The following NRP2 variants were observed in gnomAD, a reference collection of about 807,000 sequenced individuals.
NRP2 encodes neuropilin 2.
A neutral mutation model predicts 110.4 loss-of-function variants in NRP2; 52 were observed. The observed-to-expected ratio is 0.47, with a 90% CI of 0.38 to 0.59. NRP2 has a LOEUF of 0.59. NRP2 is among the 20% of genes least tolerant of loss of function. The pLI, the probability that NRP2 is intolerant of heterozygous loss-of-function variation, is 0.00. For missense variants in NRP2, 1,049 were observed against 1,203.0 expected (o/e 0.87, Z 1.89); for synonymous variants, 508 against 468.9 (o/e 1.08, Z -1.08).
intron 14 of NRP2, among the ~76,000 whole-genome samples, chr2:205,766,228 C>T (rs2057915023): frequency 6.6e-6 from 1 of 152,216 alleles, no homozygotes; most frequent in Non-Finnish European, 1.5e-5. Context: ...TCTTCAGGGT[C>T]TCCTGCTGCA....
intron 12 of NRP2, among the ~76,000 whole-genome samples, chr2:205,757,625 C>T (rs2057754615): frequency 6.6e-6 from 1 of 152,106 alleles, no homozygotes; most frequent in Admixed American, 6.5e-5. Flanking sequence ...GCAAACAATC[C>T]ATTGAATTGC....
chr2:205,782,979 A>G (rs1209023170), intron 15 of NRP2, among the ~76,000 whole-genome samples: 1 of 152,120 alleles, frequency 6.6e-6, no homozygotes, highest in Non-Finnish European at 1.5e-5. Context: ...TCATTTTAGT[A>G]GGTGCTATAA....
chr2:205,729,826 T>C (rs560643731), intron 7 of NRP2, among the ~76,000 whole-genome samples: 1 of 152,340 alleles, frequency 6.6e-6, no homozygotes, highest in East Asian at 1.9e-4. Flanking sequence ...AGCTTTCTGG[T>C]TTTCAGAATT....
intron 2 of NRP2, among the ~76,000 whole-genome samples, chr2:205,711,466 C>T (rs1026515058): frequency 6.6e-6 from 1 of 152,056 alleles, no homozygotes. Context: ...TAACATTTGT[C>T]CTTAAGCCTG....
intron 12 of NRP2, 97 bp downstream of exon 12, chr2:205,753,072 C>A: frequency 6.8e-7 from 1 of 1,477,840 alleles, no homozygotes; most frequent in Non-Finnish European, 9.4e-7. Flanking sequence ...AACTTCCCAC[C>A]GCACAGCAAT....
rs1212442389 is a variant in NRP2 at position 205,722,762 on chromosome 2, C to G, written c.664+54C>G. ...TAGCTTGGCCTTTGCCTGTTAATTG[C>G]TTTAGTGATGATAAAGAGGAAGAAC... On this transcript the variant is annotated intron_variant, in intron 4 of 16. Transcript: ENST00000357785. 2.1e-6 allele frequency: 3 copies of G among 1,423,304 alleles called. No individual in the cohort carries two copies. In the African/African-American group the frequency reaches 4.2e-5, roughly 20 times the overall value. The allele number at this position is 1,423,304 out of a possible 1,614,324, so 88.2% of individuals were successfully genotyped here. A position where few individuals can be genotyped will look rare whatever the true frequency, so the allele number is the denominator to read the frequency against.
At chr2:205,753,855 T>G (rs1257928538) in intron 12 of NRP2, among the ~76,000 whole-genome samples, 1 of 152,252 alleles carries the variant, frequency 6.6e-6, no homozygotes, top group Non-Finnish European at 1.5e-5. Flanking sequence ...TTATATAGTT[T>G]TTTTTTCCAT....
At chr2:205,685,391 G>T (rs1258739315) in intron 1 of NRP2, among the ~76,000 whole-genome samples, 4 of 133,156 alleles carry the variant, frequency 3.0e-5, no homozygotes, top group African/African-American at 8.2e-5. Flanking sequence ...GCCGGCAGCG[G>T]GTGGCCAGGG....
At chr2:205,752,097 A>G (rs2057656243) in intron 11 of NRP2, among the ~76,000 whole-genome samples, 1 of 152,208 alleles carries the variant, frequency 6.6e-6, no homozygotes, top group Non-Finnish European at 1.5e-5. Context: ...TCCCATAGGG[A>G]AAGCATTCTC....
At chr2:205,726,432 G>T (rs915058065) in intron 6 of NRP2, among the ~76,000 whole-genome samples, 4 of 152,156 alleles carry the variant, frequency 2.6e-5, no homozygotes, top group African/African-American at 7.2e-5. Flanking sequence ...GGACATGGGG[G>T]GCATTCTCCT....
At chr2:205,699,912 A>G (rs1442273360) in intron 2 of NRP2, among the ~76,000 whole-genome samples, 1 of 152,064 alleles carries the variant, frequency 6.6e-6, no homozygotes, top group East Asian at 1.9e-4. Context: ...ATTAAGCCTC[A>G]TCCACTTAAC....
chr2:205,683,212 A>C lies in NRP2; in HGVS notation c.-79A>C, dbSNP rs943170111. On this transcript the variant is annotated 5_prime_UTR_variant, in exon 1 of 17. Transcript: ENST00000357785. ...CTCTGCATAAGACGTTGTAAGGAGG[A>C]AAATAAAAGAGAGAAAAACACAAAG... The C allele has an allele frequency of 3.7e-6, 4 of 1,079,592 alleles. No individual in the cohort carries two copies. Among genetic ancestry groups the C allele is most frequent in the Non-Finnish European group, 5.6e-6 (4 of 709,350 alleles). 66.9% of individuals were successfully genotyped at this position (1,079,592 alleles called of 1,614,324 possible). A position where few individuals can be genotyped will look rare whatever the true frequency, so the allele number is the denominator to read the frequency against.
At chr2:205,699,679 GGAA>G (rs1349117191) in intron 2 of NRP2, among the ~76,000 whole-genome samples, 1 of 152,158 alleles carries the variant, frequency 6.6e-6, no homozygotes, top group Admixed American at 6.5e-5. Context: ...TCTGACAAGG[GGAA>G]GAAGAAGGCA....
At chr2:205,749,063 G>A (rs1376433322) in intron 10 of NRP2, among the ~76,000 whole-genome samples, 2 of 152,140 alleles carry the variant, frequency 1.3e-5, no homozygotes, top group African/African-American at 4.8e-5. Flanking sequence ...GGAAGGAAAG[G>A]GGGAAAGATT....
At chr2:205,694,744 C>A (rs1226189672) in intron 1 of NRP2, among the ~76,000 whole-genome samples, 1 of 152,160 alleles carries the variant, frequency 6.6e-6, no homozygotes, top group Non-Finnish European at 1.5e-5. Flanking sequence ...TAGCTAATTT[C>A]TATTGGGACA....
intron 1 of NRP2, among the ~76,000 whole-genome samples, chr2:205,691,624 C>CT (rs1170543351): frequency 2.6e-5 from 4 of 152,074 alleles, no homozygotes; most frequent in Admixed American, 2.0e-4. Flanking sequence ...TATTATATTA[C>CT]TTTTTTTTCT....
chr2:205,794,291 T>C (rs571531857), intron 16 of NRP2, among the ~76,000 whole-genome samples: 15 of 152,152 alleles, frequency 9.9e-5, no homozygotes, highest in African/African-American at 3.6e-4. Context: ...TTTGTATTTT[T>C]AGTAGAGACG....
At chr2:205,792,785 T>C (rs1264052646) in intron 16 of NRP2, among the ~76,000 whole-genome samples, 1 of 152,222 alleles carries the variant, frequency 6.6e-6, no homozygotes, top group Non-Finnish European at 1.5e-5. Flanking sequence ...GACCATCTCG[T>C]ATCTTTATAT....
rs2056175090 is a variant in NRP2 at position 205,686,734 on chromosome 2, T to C, written c.73+3371T>C. 6.6e-6 allele frequency among the ~76,000 whole-genome samples: 1 copy of C among 152,182 alleles called. No individual in the cohort carries two copies. Among genetic ancestry groups the C allele is most frequent in the South Asian group, 2.1e-4 (1 of 4,824 alleles). The stretch of plus-strand genomic sequence containing the variant: ...TCTTGCCCATATGCGTTGCGGCTTC[T>C]GCGGCTCCGGCTGAATTTCTTCTAA... On this transcript the variant is annotated intron_variant, in intron 1 of 16. Coordinates refer to ENST00000357785, the MANE Select transcript of NRP2 (RefSeq NM_003872.3). The surrounding 1 kb of genome is among the most constrained non-coding windows in gnomAD (Gnocchi z 4.7).
Sources: allele counts gnomAD v4.1 joint callset (sites outside exome capture counted in the v4.1 genomes callset), GRCh38; gene constraint gnomAD v4.1.1; non-coding constraint Gnocchi (gnomAD v3.1); transcripts MANE v1.5; gene names NCBI Gene and HGNC (gene_info 2026-07-23, HGNC 2026-07-21).